Variants in SMO observed in about 807,000 individuals in gnomAD.
SMO encodes the protein smoothened, frizzled class receptor, also known as protein smoothened.
A neutral mutation model predicts 81.6 loss-of-function variants in SMO; 40 were observed. The observed-to-expected ratio is 0.49, with a 90% CI of 0.38 to 0.64. SMO has a LOEUF of 0.64. SMO is among the 30% of genes least tolerant of loss of function. The pLI, the probability that SMO is intolerant of heterozygous loss-of-function variation, is 0.00. For missense variants in SMO, 916 were observed against 1,061.1 expected (o/e 0.86, Z 1.90); for synonymous variants, 434 against 432.1 (o/e 1.00, Z -0.05).
rs1156480807 is a variant in SMO, at chr7:129,206,413, T to A, written c.1140+44T>A. The A allele has an allele frequency of 6.2e-7, 1 of 1,613,982 alleles. No homozygotes were observed. The highest frequency in any genetic ancestry group is 8.5e-7 in the Non-Finnish European group (1 of 1,179,914). On this transcript the variant is annotated intron_variant, in intron 5 of 11. Transcript: ENST00000249373. The surrounding 1 kb of genome is among the most constrained non-coding windows in gnomAD (Gnocchi z 4.4). ...ACGGGAGACCTGGATGGGGTGAGTTTGAGGGAGGGGGCCAGTAACCCACCT... is the reference window on the plus strand; with the variant it reads ...ACGGGAGACCTGGATGGGGTGAGTTAGAGGGAGGGGGCCAGTAACCCACCT...
chr7:129,209,466 C>T, intron 8 of SMO, 69 bp downstream of exon 8: 1 of 987,880 alleles, frequency 1.0e-6, no homozygotes, highest in Non-Finnish European at 1.6e-6. Flanking sequence ...CCCACCTCCA[C>T]CCACCGGGCA....
Position 129,206,190 on chromosome 7 carries a change from G to A in SMO, c.961G>A (p.Val321Met), listed in dbSNP as rs1307431013. The change falls in exon 5 of 12, where the codon GTG (valine) becomes ATG (methionine). Residue 321 changes from valine to methionine, a missense_variant. Coordinates refer to ENST00000249373, the MANE Select transcript of SMO (RefSeq NM_005631.5). The surrounding 1 kb of genome is among the most constrained non-coding windows in gnomAD (Gnocchi z 4.4). ...TLSCVIIFVI[V>M]YYALMAGVVW... ...GTCCTGCGTCATCATCTTTGTCATCGTGTACTACGCCCTGATGGCTGGTGT... is the reference window on the plus strand; with the variant it reads ...GTCCTGCGTCATCATCTTTGTCATCATGTACTACGCCCTGATGGCTGGTGT... 6 of 1,613,024 alleles carry A rather than the reference G, an allele frequency of 3.7e-6. No homozygotes were observed. Among genetic ancestry groups the A allele is most frequent in the South Asian group, 2.2e-5 (2 of 90,910 alleles).
intron 1 of SMO, among the ~76,000 whole-genome samples, chr7:129,200,346 A>G (rs6969992): frequency 0.35 from 52,515 of 151,876 alleles, 9,178 homozygotes; most frequent in Middle Eastern, 0.38. Flanking sequence ...GCGTGAACCC[A>G]GGAGGCGGAG....
rs908867385 is a variant in SMO at position 129,206,444 on chromosome 7, C to A, written c.1141-20C>A. 4 of 1,613,926 alleles carry A rather than the reference C, an allele frequency of 2.5e-6. No homozygotes were observed. The African/African-American group carries it at 5.3e-5, about 22-fold the overall frequency. On this transcript the variant is annotated intron_variant, in intron 5 of 11. Transcript: ENST00000249373. The surrounding 1 kb of genome is among the most constrained non-coding windows in gnomAD (Gnocchi z 4.4). ...AGGGGGCCAGTAACCCACCTTCTGTCCCACCCCTTCCTGCTGCAGGTGGAT... is the reference window on the plus strand; with the variant it reads ...AGGGGGCCAGTAACCCACCTTCTGTACCACCCCTTCCTGCTGCAGGTGGAT...
chr7:129,212,500 A>G lies in SMO; in HGVS notation c.*49A>G, dbSNP rs182286643. The G allele has an allele frequency of 3.3e-5, 51 of 1,533,292 alleles. No individual in the cohort carries two copies. In the African/African-American group the frequency reaches 6.3e-4, roughly 19 times the overall value. 95.0% of individuals were successfully genotyped at this position (1,533,292 alleles called of 1,614,324 possible). A position where few individuals can be genotyped will look rare whatever the true frequency, so the allele number is the denominator to read the frequency against. On this transcript the variant is annotated 3_prime_UTR_variant, in exon 12 of 12. Coordinates refer to ENST00000249373, the MANE Select transcript of SMO (RefSeq NM_005631.5). This position sits in a 1 kb window ranked among gnomAD's most constrained non-coding sequence, Gnocchi z 5.0. ...AGGAAAGAGAGGAACCAATACCTTC[A>G]AGGCTCTTCTTCCTCACCGAGCATG...
At position 129,211,075 on chromosome 7, in the gene SMO, C is replaced by A. The variant is rs748520705; in HGVS notation, c.1763C>A (p.Ser588Tyr). 6.2e-6 allele frequency: 10 copies of A among 1,613,422 alleles called. No individual in the cohort carries two copies. The Admixed American group carries it at 1.7e-4, about 27-fold the overall frequency. The part of the protein sequence containing the change: ...ELLQNPGQEL[S>Y]FSMHTVSHDG... ...CTGCAGAACCCAGGCCAGGAGCTGTCCTTCAGCATGCACACTGTGTCCCAC... is the reference window on the plus strand; with the variant it reads ...CTGCAGAACCCAGGCCAGGAGCTGTACTTCAGCATGCACACTGTGTCCCAC... The change falls in exon 10 of 12, where the codon TCC becomes TAC. Residue 588 changes from serine (S) to tyrosine (Y), a missense_variant. Physicochemically the swap from Ser to Tyr is moderately radical, Grantham distance 144. Coordinates refer to ENST00000249373, the MANE Select transcript of SMO (RefSeq NM_005631.5). This position sits in a 1 kb window ranked among gnomAD's most constrained non-coding sequence, Gnocchi z 4.6.
rs1386520896 is a variant in SMO at position 129,189,699 on chromosome 7, C to T, written c.331+217C>T. On this transcript the variant is annotated intron_variant, in intron 1 of 11. Transcript: ENST00000249373. The surrounding 1 kb of genome is among the most constrained non-coding windows in gnomAD (Gnocchi z 4.7). ...GGGCAAGGAAGTTGACGAAGCGGGT[C>T]ACAAAGGGCCTGAGCTGGTGGGTGA... Among the ~76,000 whole-genome samples, 1 of 152,114 alleles carries T rather than the reference C, an allele frequency of 6.6e-6. No homozygotes were observed. Among genetic ancestry groups the T allele is most frequent in the Non-Finnish European group, 1.5e-5 (1 of 68,020 alleles).
At position 129,206,260 on chromosome 7, in the gene SMO, A is replaced by C. The variant is rs2150650096; in HGVS notation, c.1031A>C (p.Lys344Thr). 1 of 1,614,122 alleles carries C rather than the reference A, an allele frequency of 6.2e-7. No homozygotes were observed. The highest frequency in any genetic ancestry group is 2.2e-5 in the East Asian group (1 of 44,866). The change falls in exon 5 of 12, where the codon AAA becomes ACA. Residue 344 changes from lysine (K) to threonine (T), a missense_variant. Around this residue, in one of 4 missense-constraint regions of SMO, gnomAD observed 436 missense variants for 570.9 expected, o/e 0.76. Transcript: ENST00000249373. This position sits in a 1 kb window ranked among gnomAD's most constrained non-coding sequence, Gnocchi z 4.4. ...ACCTATGCCTGGCACACTTCCTTCA[A>C]AGCCCTGGGCACCACCTACCAGCCT... Reference protein sequence around the residue: ...VLTYAWHTSFKALGTTYQPLS... With the variant: ...VLTYAWHTSFTALGTTYQPLS...
At chr7:129,191,669 T>C (rs181260448) in intron 1 of SMO, among the ~76,000 whole-genome samples, 86 of 152,222 alleles carry the variant, frequency 5.6e-4, no homozygotes, top group African/African-American at 1.9e-3. Flanking sequence ...GAGTTAATGA[T>C]CTTGATTTTG....
Position 129,210,892 on chromosome 7 carries a change from C to T in SMO, c.1653-73C>T, listed in dbSNP as rs1284947980. ...CCTCCTTCTCTGGAAAGAATGGCAT[C>T]GCTGGCCCTTCCCAAGATTTGATGG... On this transcript the variant is annotated intron_variant, in intron 9 of 11. Coordinates refer to ENST00000249373, the MANE Select transcript of SMO (RefSeq NM_005631.5). The surrounding 1 kb of genome is among the most constrained non-coding windows in gnomAD (Gnocchi z 4.7). 27 of 1,500,734 alleles carry T rather than the reference C, an allele frequency of 1.8e-5. No homozygotes were observed. Among genetic ancestry groups the T allele is most frequent in the African/African-American group, 2.8e-5 (2 of 71,848 alleles). The allele number at this position is 1,500,734 out of a possible 1,614,324, so 93.0% of individuals were successfully genotyped here.
rs1793699232 is a variant in SMO, at chr7:129,203,286, G to C, written c.332-98G>C. Reference sequence around the variant, plus strand: ...TACCTGCCAGGTCTGACCAGTGATGGGCTGCAGTGTGGCAAAGGCCTGGAG... The same window carrying C: ...TACCTGCCAGGTCTGACCAGTGATGCGCTGCAGTGTGGCAAAGGCCTGGAG... On this transcript the variant is annotated intron_variant, in intron 1 of 11. Coordinates refer to ENST00000249373, the MANE Select transcript of SMO (RefSeq NM_005631.5). The C allele has an allele frequency of 3.4e-6, 3 of 876,246 alleles. No homozygotes were observed. The Admixed American group carries it at 6.4e-5, about 19-fold the overall frequency. 54.3% of individuals were successfully genotyped at this position (876,246 alleles called of 1,614,324 possible). A position where few individuals can be genotyped will look rare whatever the true frequency, so the allele number is the denominator to read the frequency against.
chr7:129,195,061 GAAT>G (rs1369879285), intron 1 of SMO, among the ~76,000 whole-genome samples: 1 of 152,180 alleles, frequency 6.6e-6, no homozygotes, highest in Non-Finnish European at 1.5e-5. Context: ...CTTCATTGCT[GAAT>G]AATATTCCAT....
In SMO at chr7:129,210,678, C is replaced by A; in HGVS notation, c.1652+130C>A. ...GTGGTTCACCGCTGCCCCCTGGTGG[C>A]ACCTTCTGTCCTTGGGTGGCCTGAT... On this transcript the variant is annotated intron_variant, in intron 9 of 11. Coordinates refer to ENST00000249373, the MANE Select transcript of SMO (RefSeq NM_005631.5). The surrounding 1 kb of genome is among the most constrained non-coding windows in gnomAD (Gnocchi z 4.7). 1.2e-6 allele frequency: 1 copy of A among 805,094 alleles called. No homozygotes were observed. Among genetic ancestry groups the A allele is most frequent in the Non-Finnish European group, 2.0e-6 (1 of 509,936 alleles). 49.9% of individuals were successfully genotyped at this position (805,094 alleles called of 1,614,324 possible). A position where few individuals can be genotyped will look rare whatever the true frequency, so the allele number is the denominator to read the frequency against.
chr7:129,190,123 A>T (rs1793460609), intron 1 of SMO, among the ~76,000 whole-genome samples: 1 of 152,154 alleles, frequency 6.6e-6, no homozygotes, highest in South Asian at 2.1e-4. Context: ...CGGCCCTCTG[A>T]CGCATGCAGG....
chr7:129,188,957 G>C lies in SMO; in HGVS notation c.-195G>C, dbSNP rs1052848391. ...GCCTCCGCAGCCCAACATGGGCCCC[G>C]GGTTCCAAAGTTTGCGAAGTTGGGC... On this transcript the variant is annotated 5_prime_UTR_variant, in exon 1 of 12. Transcript: ENST00000249373. This position sits in a 1 kb window ranked among gnomAD's most constrained non-coding sequence, Gnocchi z 4.9. The C allele has an allele frequency of 2.7e-6, 1 of 374,736 alleles. No individual in the cohort carries two copies. Among genetic ancestry groups the C allele is most frequent in the African/African-American group, 2.1e-5 (1 of 47,538 alleles). 23.2% of individuals were successfully genotyped at this position (374,736 alleles called of 1,614,324 possible). A position where few individuals can be genotyped will look rare whatever the true frequency, so the allele number is the denominator to read the frequency against.
Position 129,189,698 on chromosome 7 carries a change from T to A in SMO, c.331+216T>A, listed in dbSNP as rs1012779344. Among the ~76,000 whole-genome samples, 4 of 151,822 alleles carry A rather than the reference T, an allele frequency of 2.6e-5. No individual in the cohort carries two copies. Among genetic ancestry groups the A allele is most frequent in the African/African-American group, 9.7e-5 (4 of 41,308 alleles). ...AGGGCAAGGAAGTTGACGAAGCGGGTCACAAAGGGCCTGAGCTGGTGGGTG... is the reference window on the plus strand; with the variant it reads ...AGGGCAAGGAAGTTGACGAAGCGGGACACAAAGGGCCTGAGCTGGTGGGTG... On this transcript the variant is annotated intron_variant, in intron 1 of 11. Coordinates refer to ENST00000249373, the MANE Select transcript of SMO (RefSeq NM_005631.5). This position sits in a 1 kb window ranked among gnomAD's most constrained non-coding sequence, Gnocchi z 4.7.
At chr7:129,191,694 A>C (rs1350891896) in intron 1 of SMO, among the ~76,000 whole-genome samples, 1 of 152,164 alleles carries the variant, frequency 6.6e-6, no homozygotes, top group South Asian at 2.1e-4. Context: ...AGACAGGGTC[A>C]GTGTTACCTG....
rs1793886046 is a variant in SMO, at chr7:129,212,256, C to T, written c.2169C>T (p.Asp723=). 4 of 1,606,596 alleles carry T rather than the reference C, an allele frequency of 2.5e-6. No homozygotes were observed. Among genetic ancestry groups the T allele is most frequent in the Admixed American group, 1.7e-5 (1 of 58,436 alleles). ...CTGCAGGTGCCTGGGGAGCTGGGGACTCTTGCCGACAGGGAGCGTGGACCC... is the reference window on the plus strand; with the variant it reads ...CTGCAGGTGCCTGGGGAGCTGGGGATTCTTGCCGACAGGGAGCGTGGACCC... ...LVAAGAWGAG[D]SCRQGAWTLV... is the part of the protein sequence containing the mutation. Residue 723 remains aspartate (D), a synonymous_variant, in exon 12 of 12, where the codon GAC becomes GAT. Transcript: ENST00000249373. The surrounding 1 kb of genome is among the most constrained non-coding windows in gnomAD (Gnocchi z 5.0).
rs533639649 is a variant in SMO at position 129,201,194 on chromosome 7, G to A, written c.332-2190G>A. 9.9e-5 allele frequency among the ~76,000 whole-genome samples: 15 copies of A among 151,730 alleles called. No homozygotes were observed. In the East Asian group the frequency reaches 2.9e-3, roughly 29 times the overall value. ...CCTGAGTAGCTGGGATTACAGGCAT[G>A]TGCCACCACATCCAGCTAATTTTTG... is the stretch of plus-strand genomic sequence containing the variant. On this transcript the variant is annotated intron_variant, in intron 1 of 11. Coordinates refer to ENST00000249373, the MANE Select transcript of SMO (RefSeq NM_005631.5).
Sources: gnomAD v4.1 joint callset for allele counts (sites outside exome capture counted in the v4.1 genomes callset) on GRCh38, gnomAD v4.1.1 for gene constraint, gnomAD v4.1.1 regional missense constraint, Gnocchi (gnomAD v3.1) non-coding constraint, MANE v1.5 for transcripts, NCBI Gene and HGNC (gene_info 2026-07-23, HGNC 2026-07-21) for gene names.